Variants in RAB28 observed in about 807,000 individuals in gnomAD.
RAB28 encodes ras-related protein Rab-28.
A neutral mutation model predicts 31.7 loss-of-function variants in RAB28; 24 were observed. The ratio of observed to expected loss-of-function variants is 0.76; its 90% CI spans 0.55 to 1.06. The LOEUF (loss-of-function observed/expected upper bound fraction) is 1.06. RAB28 is among the 50% of genes least tolerant of loss of function. The probability of loss-of-function intolerance (pLI) is 0.00; values close to 1 mark genes in which losing one functional copy is unlikely to be tolerated. For missense variants in RAB28, 254 were observed against 258.5 expected, an observed-to-expected ratio of 0.98 and a Z score of 0.12; for synonymous variants, 100 against 90.4, an observed-to-expected ratio of 1.11 and a Z score of -0.60.
intron 3 of RAB28, among the ~76,000 whole-genome samples, chr4:13,472,111 G>A (rs1052764001): frequency 6.6e-6 from 1 of 151,980 alleles, no homozygotes; most frequent in Non-Finnish European, 1.5e-5. Context: ...AAAATATTGT[G>A]AGTGTACTAA....
intron 3 of RAB28, among the ~76,000 whole-genome samples, chr4:13,466,687 T>C (rs1418984373): frequency 2.0e-5 from 3 of 151,914 alleles, no homozygotes; most frequent in African/African-American, 7.2e-5. Context: ...TCTGTGTATT[T>C]ACCCAAAGAT....
At position 13,368,575 on chromosome 4, in the gene RAB28, T is replaced by C. The variant is rs1728599648; in HGVS notation, c.649A>G (p.Met217Val). 5.6e-6 allele frequency: 9 copies of C among 1,611,886 alleles called. No homozygotes were observed. The highest frequency in any genetic ancestry group is 1.1e-5 in the South Asian group (1 of 90,964). ...AAATGCGCTCACTGAACTGCACACA[T>C]AGAGCTTCTAGGAGGGTTAACAGTC... ...SRTVNPPRSS[M>V]CAVQ The change falls in exon 7 of 7, where the codon ATG (methionine) becomes GTG (valine). Residue 217 changes from methionine (M) to valine (V), a missense_variant. Transcript: ENST00000330852.
chr4:13,474,557 T>C (rs1716264699), intron 2 of RAB28, 151 bp from the exon 3 acceptor site: 4 of 451,070 alleles, frequency 8.9e-6, no homozygotes, highest in Non-Finnish European at 1.6e-5. Context: ...ATATTTGGAA[T>C]TGCGAAAACA....
At chr4:13,369,338 T>C (rs1214187905) in intron 6 of RAB28, among the ~76,000 whole-genome samples, 2 of 152,092 alleles carry the variant, frequency 1.3e-5, no homozygotes, top group Non-Finnish European at 2.9e-5. Flanking sequence ...CAAAAGATAA[T>C]TTTAACTCTT....
At chr4:13,428,566 A>G (rs1373318250) in intron 4 of RAB28, among the ~76,000 whole-genome samples, 2 of 152,242 alleles carry the variant, frequency 1.3e-5, no homozygotes, top group Non-Finnish European at 2.9e-5. Flanking sequence ...CAGATTCTAG[A>G]ATGCAGATGA....
intron 4 of RAB28, among the ~76,000 whole-genome samples, chr4:13,415,579 C>G (rs967634274): frequency 6.6e-6 from 1 of 152,144 alleles, no homozygotes; most frequent in Non-Finnish European, 1.5e-5. Flanking sequence ...CCAGCAGTGC[C>G]GGCCCACTGG....
chr4:13,386,292 C>T (rs1729363872), intron 4 of RAB28, among the ~76,000 whole-genome samples: 2 of 151,926 alleles, frequency 1.3e-5, no homozygotes, highest in Non-Finnish European at 1.5e-5. Flanking sequence ...TTCTCCACAG[C>T]AAAAGAAACT....
intron 4 of RAB28, among the ~76,000 whole-genome samples, chr4:13,402,106 A>C (rs1466257951): frequency 6.6e-6 from 1 of 152,242 alleles, no homozygotes; most frequent in African/African-American, 2.4e-5. Context: ...TTATTGTCAG[A>C]GAAGACATTA....
chr4:13,397,688 C>T (rs947630548), intron 4 of RAB28, among the ~76,000 whole-genome samples: 4 of 151,864 alleles, frequency 2.6e-5, no homozygotes. Flanking sequence ...TCCTTTAAAT[C>T]CTCAAATCAT....
At chr4:13,391,254 T>C (rs1729615749) in intron 4 of RAB28, among the ~76,000 whole-genome samples, 1 of 152,096 alleles carries the variant, frequency 6.6e-6, no homozygotes, top group Admixed American at 6.6e-5. Context: ...AGGATATGAA[T>C]AGATACTCTC....
chr4:13,450,812 C>T (rs1426149780), intron 4 of RAB28, among the ~76,000 whole-genome samples: 1 of 151,580 alleles, frequency 6.6e-6, no homozygotes, highest in Non-Finnish European at 1.5e-5. Flanking sequence ...GAGGGAAAAT[C>T]ATTTCAAGCA....
chr4:13,430,951 G>A (rs1050813315), intron 4 of RAB28, among the ~76,000 whole-genome samples: 1 of 152,154 alleles, frequency 6.6e-6, no homozygotes, highest in African/African-American at 2.4e-5. Flanking sequence ...GTGGAGAGAG[G>A]GTCATCTCCT....
At position 13,391,051 on chromosome 4, in the gene RAB28, A is replaced by G. The variant is rs1210176625; in HGVS notation, c.392-9457T>C. Among the ~76,000 whole-genome samples the G allele has an allele frequency of 2.0e-5, 3 of 152,346 alleles. No individual in the cohort carries two copies. The East Asian group carries it at 5.8e-4, about 29-fold the overall frequency. On this transcript the variant is annotated intron_variant, in intron 4 of 6. Coordinates refer to ENST00000330852, the MANE Select transcript of RAB28 (RefSeq NM_001017979.3). ...AATGGCAACAAAAGACAAAATTGAC[A>G]AATGGGATCTAATTAAACTAAAGAG...
chr4:13,402,506 G>T (rs7677336), intron 4 of RAB28, among the ~76,000 whole-genome samples: 11,309 of 152,068 alleles, frequency 0.074, 749 homozygotes, highest in African/African-American at 0.18. Context: ...CTCCCTTATC[G>T]CTACAAAATT....
chr4:13,407,638 G>C (rs898523030), intron 4 of RAB28, among the ~76,000 whole-genome samples: 7 of 152,194 alleles, frequency 4.6e-5, no homozygotes, highest in Non-Finnish European at 1.0e-4. Context: ...TCCTATGAAT[G>C]AGCATGGAAT....
At chr4:13,396,440 T>C (rs1729876317) in intron 4 of RAB28, among the ~76,000 whole-genome samples, 2 of 152,068 alleles carry the variant, frequency 1.3e-5, no homozygotes, top group African/African-American at 2.4e-5. Context: ...TACCCTGCCA[T>C]GTACACTCTC....
chr4:13,382,076 T>C (rs1263067515), intron 4 of RAB28, among the ~76,000 whole-genome samples: 2 of 152,256 alleles, frequency 1.3e-5, no homozygotes, highest in Non-Finnish European at 2.9e-5. Context: ...CATAACTTTC[T>C]GCTTAAGAGA....
rs544189831 is a variant in RAB28 at position 13,426,534 on chromosome 4, C to G, written c.391+34165G>C. ...GATTCATATTTAATATCCCACCTTCCATGTCCATAAACTGGCAACTGTCCA... is the reference window on the plus strand; with the variant it reads ...GATTCATATTTAATATCCCACCTTCGATGTCCATAAACTGGCAACTGTCCA... On this transcript the variant is annotated intron_variant, in intron 4 of 6. Coordinates refer to ENST00000330852, the MANE Select transcript of RAB28 (RefSeq NM_001017979.3). 3.1e-4 allele frequency among the ~76,000 whole-genome samples: 47 copies of G among 152,252 alleles called. No individual in the cohort carries two copies. In the South Asian group the frequency reaches 7.9e-3, roughly 26 times the overall value.
chr4:13,411,204 G>C (rs143999168), intron 4 of RAB28, among the ~76,000 whole-genome samples: 3,331 of 152,030 alleles, frequency 0.022, 41 homozygotes, highest in African/African-American at 0.039. Context: ...AGGAGAAAAA[G>C]ATTCTGAACA....
Sources: gnomAD v4.1 joint callset for allele counts (sites outside exome capture counted in the v4.1 genomes callset) on GRCh38, gnomAD v4.1.1 for gene constraint, MANE v1.5 for transcripts, NCBI Gene and HGNC (gene_info 2026-07-23, HGNC 2026-07-21) for gene names.